WDR27: variants seen among roughly 807,000 people sequenced by gnomAD.
WDR27 encodes WD repeat-containing protein 27.
Under a neutral mutation model 114.4 loss-of-function variants are expected in WDR27, and 100 were observed. The observed-to-expected ratio is 0.87, with a 90% CI of 0.74 to 1.03. The LOEUF (loss-of-function observed/expected upper bound fraction) is 1.03. WDR27 is among the 50% of genes least tolerant of loss of function. The pLI, the probability that WDR27 is intolerant of heterozygous loss-of-function variation, is 0.00. For missense variants in WDR27, 1,129 were observed against 1,092.9 expected (o/e 1.03, Z -0.47); for synonymous variants, 449 against 423.1 (o/e 1.06, Z -0.75).
intron 2 of WDR27, among the ~76,000 whole-genome samples, chr6:169,675,592 C>T (rs1779876955): frequency 6.6e-6 from 1 of 152,172 alleles, no homozygotes; most frequent in Admixed American, 6.5e-5. Flanking sequence ...ATCAAATACA[C>T]TTAAGAAATA....
chr6:169,593,473 T>C (rs891416748), intron 23 of WDR27, among the ~76,000 whole-genome samples: 1 of 152,212 alleles, frequency 6.6e-6, no homozygotes, highest in African/African-American at 2.4e-5. Flanking sequence ...CTCCTCCTCA[T>C]TTCTTATTAT....
intron 25 of WDR27, among the ~76,000 whole-genome samples, chr6:169,547,755 T>A (rs1797638688): frequency 6.6e-6 from 1 of 152,164 alleles, no homozygotes; most frequent in East Asian, 1.9e-4. Flanking sequence ...AAAGCAAGGA[T>A]ATCCCCTTTC....
intron 6 of WDR27, 73 bp downstream of exon 6, chr6:169,667,063 C>A: frequency 1.4e-6 from 2 of 1,407,858 alleles, no homozygotes; most frequent in Non-Finnish European, 1.9e-6. Context: ...CCATCTTATG[C>A]CCTGTAATAT....
intron 25 of WDR27, among the ~76,000 whole-genome samples, chr6:169,524,543 T>C (rs1453301400): frequency 6.6e-6 from 1 of 152,116 alleles, no homozygotes; most frequent in East Asian, 1.9e-4. Context: ...CCTCCAAATT[T>C]ATAGTAACCA....
intron 23 of WDR27, among the ~76,000 whole-genome samples, chr6:169,597,068 C>T (rs564860748): frequency 1.3e-5 from 2 of 152,184 alleles, no homozygotes; most frequent in Admixed American, 6.5e-5. Context: ...TGCATTAAGA[C>T]CCAAAGTCTA....
At chr6:169,529,334 C>T (rs1246960247) in intron 25 of WDR27, among the ~76,000 whole-genome samples, 2 of 144,974 alleles carry the variant, frequency 1.4e-5, no homozygotes, top group Non-Finnish European at 3.0e-5. Flanking sequence ...GCAGCTAATG[C>T]TAATAAGCTA....
chr6:169,528,023 T>C (rs1341049637), intron 25 of WDR27, among the ~76,000 whole-genome samples: 4 of 152,030 alleles, frequency 2.6e-5, no homozygotes, highest in Non-Finnish European at 5.9e-5. Context: ...CACTAATCTT[T>C]AGAGAGAAAA....
intron 25 of WDR27, among the ~76,000 whole-genome samples, chr6:169,543,995 G>A (rs1797131191): frequency 6.6e-6 from 1 of 152,176 alleles, no homozygotes; most frequent in Non-Finnish European, 1.5e-5. Flanking sequence ...ACATCAACAA[G>A]CTAAAGAAGA....
chr6:169,485,277 G>T (rs549028693), intron 25 of WDR27, among the ~76,000 whole-genome samples: 14 of 152,240 alleles, frequency 9.2e-5, no homozygotes, highest in African/African-American at 3.4e-4. Context: ...TCTGACGAAG[G>T]TCTAATAAAA....
At chr6:169,510,312 C>T (rs1792643597) in intron 25 of WDR27, among the ~76,000 whole-genome samples, 1 of 152,136 alleles carries the variant, frequency 6.6e-6, no homozygotes, top group Non-Finnish European at 1.5e-5. Context: ...AATCATGCTG[C>T]TCTAAAGACA....
chr6:169,684,198 A>G lies in WDR27; in HGVS notation c.189+4619T>C, dbSNP rs1268787014. ...AAACAACCCAGCACTCCTGCCAAGGACAAACCTGCCCTTGATTTAGCCAAA... is the reference window on the plus strand; with the variant it reads ...AAACAACCCAGCACTCCTGCCAAGGGCAAACCTGCCCTTGATTTAGCCAAA... On this transcript the variant is annotated intron_variant, in intron 2 of 25. Coordinates refer to ENST00000448612, the MANE Select transcript of WDR27 (RefSeq NM_182552.5). This position sits in a 1 kb window ranked among gnomAD's most constrained non-coding sequence, Gnocchi z 4.3. Among the ~76,000 whole-genome samples the G allele has an allele frequency of 1.3e-5, 2 of 152,080 alleles. No individual in the cohort carries two copies. The highest frequency in any genetic ancestry group is 2.9e-5 in the Non-Finnish European group (2 of 67,996).
chr6:169,656,260 A>G (rs1289572149), intron 13 of WDR27, among the ~76,000 whole-genome samples: 3 of 152,152 alleles, frequency 2.0e-5, no homozygotes, highest in African/African-American at 7.2e-5. Context: ...AATATGTAAA[A>G]TAGGTGAAGG....
At chr6:169,488,550 T>C (rs1249759561) in intron 25 of WDR27, among the ~76,000 whole-genome samples, 1 of 152,240 alleles carries the variant, frequency 6.6e-6, no homozygotes, top group East Asian at 1.9e-4. Flanking sequence ...TGTCTTCATA[T>C]GCACAGTGGA....
intron 24 of WDR27, among the ~76,000 whole-genome samples, chr6:169,580,966 T>TATATATATATATATATAA: frequency 6.8e-6 from 1 of 147,938 alleles, no homozygotes; most frequent in South Asian, 2.1e-4. Context: ...TATATATATA[T>TATATATATATATATATAA]ATAAATTCGG....
intron 25 of WDR27, among the ~76,000 whole-genome samples, chr6:169,468,307 C>T (rs1035772859): frequency 1.3e-5 from 2 of 152,218 alleles, no homozygotes; most frequent in African/African-American, 2.4e-5. Flanking sequence ...CTGCCTGTTA[C>T]ACAGTTTCAA....
intron 25 of WDR27, among the ~76,000 whole-genome samples, chr6:169,512,500 A>C (rs749151844): frequency 2.6e-5 from 4 of 152,234 alleles, no homozygotes; most frequent in Non-Finnish European, 4.4e-5. Context: ...TTAATTTGTA[A>C]TGTTAATTCA....
At chr6:169,558,164 C>T (rs1336222802) in intron 25 of WDR27, among the ~76,000 whole-genome samples, 1 of 151,876 alleles carries the variant, frequency 6.6e-6, no homozygotes, top group African/African-American at 2.4e-5. Flanking sequence ...GCAGCGATGG[C>T]TTCTGCACAT....
chr6:169,455,277 A>G (rs557344039), downstream of WDR27, among the ~76,000 whole-genome samples: 30 of 152,340 alleles, frequency 2.0e-4, no homozygotes, highest in Non-Finnish European at 3.8e-4. Context: ...ACAGCTCTTG[A>G]TAAGTATTTG....
intron 25 of WDR27, among the ~76,000 whole-genome samples, chr6:169,563,693 T>C (rs1800007868): frequency 6.6e-6 from 1 of 152,206 alleles, no homozygotes; most frequent in Non-Finnish European, 1.5e-5. Flanking sequence ...AGATTTTCTT[T>C]CTTATTTTAC....
Sources: gnomAD v4.1 joint callset for allele counts (sites outside exome capture counted in the v4.1 genomes callset) on GRCh38, gnomAD v4.1.1 for gene constraint, Gnocchi (gnomAD v3.1) non-coding constraint, MANE v1.5 for transcripts, NCBI Gene and HGNC (gene_info 2026-07-23, HGNC 2026-07-21) for gene names.